The following GABBR2 variants were observed in gnomAD, a reference collection of about 807,000 sequenced individuals.
GABBR2 encodes the protein G-protein coupled receptor 51.
A neutral mutation model predicts 105.6 loss-of-function variants in GABBR2; 23 were observed. The observed-to-expected ratio is 0.22, with a 90% CI of 0.16 to 0.31. GABBR2 has a LOEUF of 0.31. Among genes scored for constraint, GABBR2 ranks in the 10% least tolerant of loss-of-function variants. The pLI is 1.00. For synonymous variants in GABBR2, 478 were observed against 499.7 expected (o/e 0.96, Z 0.58); for missense variants, 734 against 1,245.5 (o/e 0.59, Z 6.18).
chr9:98,376,690 GCC>G (rs755230977), intron 11 of GABBR2, among the ~76,000 whole-genome samples: 1 of 152,190 alleles, frequency 6.6e-6, no homozygotes, highest in Non-Finnish European at 1.5e-5. Context: ...TCTAGAAACA[GCC>G]CCAGAAGACC....
At chr9:98,539,443 C>T (rs921220810) in intron 3 of GABBR2, among the ~76,000 whole-genome samples, 2 of 152,164 alleles carry the variant, frequency 1.3e-5, no homozygotes, top group African/African-American at 2.4e-5. Flanking sequence ...GGGTTCAGGA[C>T]CCCAAAATTT....
rs1588133966 is a variant in GABBR2 at position 98,385,869 on chromosome 9, C to T, written c.1530-97G>A. The stretch of plus-strand genomic sequence containing the variant: ...AACGCCTGCTAGATATATATTGTTG[C>T]TCAGGCTAGAGGGGAGAGAGAGAAA... On this transcript the variant is annotated intron_variant, in intron 10 of 18. Transcript: ENST00000259455. 4.0e-6 allele frequency: 4 copies of T among 991,222 alleles called. No homozygotes were observed. In the East Asian group the frequency reaches 7.3e-5, roughly 18 times the overall value. The allele number at this position is 991,222 out of a possible 1,614,324, so 61.4% of individuals were successfully genotyped here. A position where few individuals can be genotyped will look rare whatever the true frequency, so the allele number is the denominator to read the frequency against.
At chr9:98,589,711 C>CTTT (rs561852717) in intron 1 of GABBR2, among the ~76,000 whole-genome samples, 34 of 132,730 alleles carry the variant, frequency 2.6e-4, no homozygotes, top group East Asian at 6.7e-4. Flanking sequence ...GTTTGGCTGT[C>CTTT]TTTTTTTTTT....
intron 1 of GABBR2, among the ~76,000 whole-genome samples, chr9:98,581,404 T>C (rs1829001413): frequency 6.6e-6 from 1 of 151,338 alleles, no homozygotes; most frequent in South Asian, 2.1e-4. Context: ...GGTAAATAAT[T>C]CAATTTAAAA....
At position 98,649,367 on chromosome 9, in the gene GABBR2, G is replaced by A. The variant is rs72743830; in HGVS notation, c.321+59050C>T. Reference sequence around the variant, plus strand: ...CTGGAATTTCAAAGCTGGAAAGACTGAGTGGTCACCCAGTTTCGCCCCTTA... The same window carrying A: ...CTGGAATTTCAAAGCTGGAAAGACTAAGTGGTCACCCAGTTTCGCCCCTTA... On this transcript the variant is annotated intron_variant, in intron 1 of 18. Transcript: ENST00000259455. Among the ~76,000 whole-genome samples, 605 of 152,316 alleles carry A rather than the reference G, an allele frequency of 4.0e-3. 4 individuals are homozygous for A. The highest frequency in any genetic ancestry group is 6.2e-3 in the Non-Finnish European group (421 of 68,034).
At chr9:98,363,279 A>G (rs1345702973) in intron 12 of GABBR2, among the ~76,000 whole-genome samples, 6 of 152,160 alleles carry the variant, frequency 3.9e-5, no homozygotes, top group Non-Finnish European at 1.5e-5. Context: ...TTGTCCACAT[A>G]CTTAATTATC....
intron 1 of GABBR2, among the ~76,000 whole-genome samples, chr9:98,685,220 T>C (rs1830605682): frequency 6.6e-6 from 1 of 152,244 alleles, no homozygotes; most frequent in Non-Finnish European, 1.5e-5. Context: ...TCCCAAGTTT[T>C]TCAGCTTTTG....
intron 3 of GABBR2, among the ~76,000 whole-genome samples, chr9:98,520,969 T>G (rs1827853558): frequency 6.6e-6 from 1 of 152,002 alleles, no homozygotes; most frequent in Non-Finnish European, 1.5e-5. Context: ...CCAATATAAA[T>G]GAGGAATTTT....
intron 3 of GABBR2, among the ~76,000 whole-genome samples, chr9:98,505,423 GGTGT>G (rs59702034): frequency 0.094 from 13,993 of 148,368 alleles, 649 homozygotes; most frequent in South Asian, 0.15. Flanking sequence ...GCTGTATCCA[GGTGT>G]GTGTGTGTGT....
chr9:98,633,841 C>T (rs1170009330), intron 1 of GABBR2, among the ~76,000 whole-genome samples: 2 of 152,078 alleles, frequency 1.3e-5, no homozygotes, highest in African/African-American at 4.8e-5. Context: ...TCAGAGGAGT[C>T]CTGTGTTTCT....
chr9:98,422,697 G>C (rs1195941738), intron 7 of GABBR2, among the ~76,000 whole-genome samples: 4 of 151,790 alleles, frequency 2.6e-5, no homozygotes, highest in Admixed American at 1.3e-4. Flanking sequence ...TGCCATGCTG[G>C]TGTGCTGCAC....
At chr9:98,489,597 G>C (rs1827131026) in intron 4 of GABBR2, among the ~76,000 whole-genome samples, 1 of 152,040 alleles carries the variant, frequency 6.6e-6, no homozygotes. Flanking sequence ...TTATTATTTA[G>C]TGTTTTATTA....
chr9:98,570,701 G>A (rs1828818118), intron 2 of GABBR2, among the ~76,000 whole-genome samples: 1 of 152,212 alleles, frequency 6.6e-6, no homozygotes, highest in East Asian at 1.9e-4. Context: ...TCTGAGGACA[G>A]GATTCTGGGT....
intron 1 of GABBR2, among the ~76,000 whole-genome samples, chr9:98,615,188 C>T (rs1380909976): frequency 6.6e-6 from 1 of 152,158 alleles, no homozygotes; most frequent in Admixed American, 6.5e-5. Flanking sequence ...TCACCAGCCC[C>T]TAGCAGGATG....
chr9:98,555,407 A>AT (rs1271291747), intron 2 of GABBR2, among the ~76,000 whole-genome samples: 1 of 152,124 alleles, frequency 6.6e-6, no homozygotes, highest in African/African-American at 2.4e-5. Context: ...AATAATTATG[A>AT]TTGTATTGCT....
rs760539840 is a variant in GABBR2 at position 98,628,143 on chromosome 9, C to A, written c.322-50071G>T. Among the ~76,000 whole-genome samples, 4 of 152,186 alleles carry A rather than the reference C, an allele frequency of 2.6e-5. No homozygotes were observed. In the East Asian group the frequency reaches 7.7e-4, roughly 29 times the overall value. On this transcript the variant is annotated intron_variant, in intron 1 of 18. Transcript: ENST00000259455. ...CATAAGATACAACAAGAATAACTTA[C>A]GTGTGTTTAAAAGTATCCCACTTAG... is the stretch of plus-strand genomic sequence containing the variant.
At chr9:98,510,452 T>C (rs1827616026) in intron 3 of GABBR2, among the ~76,000 whole-genome samples, 1 of 152,014 alleles carries the variant, frequency 6.6e-6, no homozygotes, top group African/African-American at 2.4e-5. Context: ...GGCTAAATGC[T>C]CCAATTAAAA....
intron 1 of GABBR2, among the ~76,000 whole-genome samples, chr9:98,689,004 A>C (rs1830653634): frequency 6.6e-6 from 1 of 152,194 alleles, no homozygotes. Flanking sequence ...GCAAGGGCAA[A>C]CTTCTGGAGG....
At chr9:98,371,420 G>A (rs755608679) in intron 12 of GABBR2, 44 bp downstream of exon 12, 1 of 1,011,758 alleles carries the variant, frequency 9.9e-7, no homozygotes, top group Admixed American at 1.7e-5. Context: ...GATAAATGCT[G>A]GGTGAACACT....
Sources: gnomAD v4.1 joint callset for allele counts (sites outside exome capture counted in the v4.1 genomes callset) on GRCh38, gnomAD v4.1.1 for gene constraint, MANE v1.5 for transcripts, NCBI Gene and HGNC (gene_info 2026-07-23, HGNC 2026-07-21) for gene names.